GMEB2: variants seen among roughly 807,000 people sequenced by gnomAD.
GMEB2 encodes glucocorticoid modulatory element-binding protein 2.
In GMEB2, 7 loss-of-function variants were observed where a neutral mutation model predicts 45.7. The ratio of observed to expected loss-of-function variants is 0.15; its 90% CI spans 0.09 to 0.29. The LOEUF (loss-of-function observed/expected upper bound fraction) is 0.29, where lower values mean the gene tolerates loss of function less well. Ranked by LOEUF, GMEB2 falls within the 10% of genes least tolerant of loss-of-function variation. GMEB2 has a pLI of 1.00. For synonymous variants in GMEB2, 322 were observed against 323.6 expected (o/e 1.00, Z 0.05); for missense variants, 582 against 739.2 (o/e 0.79, Z 2.47).
rs1184695221 is a variant in GMEB2 at position 63,624,280 on chromosome 20, T to C, written c.-58+2676A>G. On this transcript the variant is annotated intron_variant, in intron 1 of 9. Coordinates refer to ENST00000370077, the MANE Select transcript of GMEB2 (RefSeq NM_012384.5). The stretch of plus-strand genomic sequence containing the variant: ...AAAAATACAAAAAAAAAAAAACAAA[T>C]TGGCCGGGCATGGTGGCGGGTGCCT... Among the ~76,000 whole-genome samples, 9 of 147,748 alleles carry C rather than the reference T, an allele frequency of 6.1e-5. No individual in the cohort carries two copies. The East Asian group carries it at 1.8e-3, about 29-fold the overall frequency.
intron 1 of GMEB2, among the ~76,000 whole-genome samples, chr20:63,626,486 T>G (rs1382049854): frequency 7.6e-6 from 1 of 131,332 alleles, no homozygotes; most frequent in Non-Finnish European, 1.6e-5. Flanking sequence ...GTGGTCCTTG[T>G]GGGTCGCGTC....
intron 1 of GMEB2, among the ~76,000 whole-genome samples, chr20:63,621,866 G>A (rs1290198557): frequency 1.3e-5 from 2 of 152,226 alleles, no homozygotes; most frequent in East Asian, 1.9e-4. Flanking sequence ...TGTCACACCT[G>A]TAATCCCAGG....
chr20:63,612,275 G>C (rs8122824), intron 2 of GMEB2, among the ~76,000 whole-genome samples: 2,560 of 152,290 alleles, frequency 0.017, 71 homozygotes, highest in African/African-American at 0.057. Flanking sequence ...TGGCCAAAGG[G>C]CCACCCTGCC....
At chr20:63,615,342 T>C (rs1045777160) in intron 2 of GMEB2, among the ~76,000 whole-genome samples, 14 of 152,114 alleles carry the variant, frequency 9.2e-5, no homozygotes, top group African/African-American at 3.4e-4. Context: ...TTCTTTTTTT[T>C]GAGACAGGAT....
chr20:63,615,066 C>T (rs972270918), intron 2 of GMEB2, among the ~76,000 whole-genome samples: 14 of 152,146 alleles, frequency 9.2e-5, no homozygotes, highest in African/African-American at 3.4e-4. Context: ...AGAAAACCCA[C>T]CAACCCTGTG....
intron 1 of GMEB2, among the ~76,000 whole-genome samples, chr20:63,626,020 C>T (rs1417198533): frequency 6.6e-6 from 1 of 152,252 alleles, no homozygotes; most frequent in African/African-American, 2.4e-5. Context: ...TCAGTCACGA[C>T]TTTTCAGTCA....
intron 9 of GMEB2, among the ~76,000 whole-genome samples, chr20:63,591,323 G>A (rs925465151): frequency 2.0e-5 from 3 of 151,912 alleles, no homozygotes; most frequent in African/African-American, 7.3e-5. Flanking sequence ...TGAACACACA[G>A]TGAACACGCA....
At chr20:63,611,262 C>T (rs1004781825) in intron 2 of GMEB2, among the ~76,000 whole-genome samples, 5 of 152,202 alleles carry the variant, frequency 3.3e-5, no homozygotes, top group African/African-American at 4.8e-5. Context: ...TGGAAGGGGC[C>T]ACTGTGCCAT....
intron 1 of GMEB2, among the ~76,000 whole-genome samples, chr20:63,624,416 G>A (rs1383358926): frequency 2.7e-5 from 4 of 147,556 alleles, no homozygotes; most frequent in African/African-American, 5.0e-5. Flanking sequence ...ACAACAGAGC[G>A]AGACTCTGTC....
intron 4 of GMEB2, among the ~76,000 whole-genome samples, chr20:63,600,637 G>T (rs2083235135): frequency 7.2e-6 from 1 of 139,810 alleles, no homozygotes; most frequent in South Asian, 2.3e-4. Context: ...AGAATCACTT[G>T]AACCCAGGAA....
At chr20:63,605,001 A>G in intron 2 of GMEB2, 161 bp from the exon 3 acceptor site, 1 of 571,320 alleles carries the variant, frequency 1.8e-6, no homozygotes, top group Non-Finnish European at 3.2e-6. Context: ...CTGTAATCCC[A>G]GCACTTTGGG....
chr20:63,598,916 C>T (rs1487087249), intron 4 of GMEB2, among the ~76,000 whole-genome samples: 1 of 152,198 alleles, frequency 6.6e-6, no homozygotes, highest in Non-Finnish European at 1.5e-5. Context: ...CTGATCCTAC[C>T]TAGGGCTCTG....
chr20:63,600,340 C>A (rs2083232877), intron 4 of GMEB2, among the ~76,000 whole-genome samples: 2 of 151,968 alleles, frequency 1.3e-5, no homozygotes, highest in East Asian at 3.9e-4. Context: ...TCACCATGCC[C>A]AGCCTACATT....
At chr20:63,623,921 C>T (rs1364173490) in intron 1 of GMEB2, among the ~76,000 whole-genome samples, 1 of 150,718 alleles carries the variant, frequency 6.6e-6, no homozygotes, top group Non-Finnish European at 1.5e-5. Context: ...ACCAGCCTGG[C>T]CAACATGGTA....
intron 1 of GMEB2, among the ~76,000 whole-genome samples, chr20:63,620,353 G>A (rs537163022): frequency 1.3e-5 from 2 of 152,218 alleles, no homozygotes. Flanking sequence ...GGTGGCCCAA[G>A]AGTGTGGGGG....
intron 2 of GMEB2, among the ~76,000 whole-genome samples, chr20:63,614,789 CCTCT>C (rs1280406538): frequency 1.3e-5 from 2 of 151,770 alleles, no homozygotes; most frequent in Non-Finnish European, 2.9e-5. Flanking sequence ...CTCTCTCTCT[CCTCT>C]CTCTCTGCCT....
intron 4 of GMEB2, among the ~76,000 whole-genome samples, chr20:63,600,581 G>T (rs2083234697): frequency 6.6e-6 from 1 of 151,696 alleles, no homozygotes; most frequent in South Asian, 2.1e-4. Flanking sequence ...AGCCAGGCAT[G>T]GTGGTGGGTG....
At chr20:63,622,178 G>GC (rs1334686600) in intron 1 of GMEB2, among the ~76,000 whole-genome samples, 6 of 152,136 alleles carry the variant, frequency 3.9e-5, no homozygotes, top group African/African-American at 1.4e-4. Flanking sequence ...AAATCTTCCA[G>GC]AACTTTTAAA....
chr20:63,597,740 C>A lies in GMEB2; in HGVS notation c.461+17G>T. The A allele has an allele frequency of 7.0e-7, 1 of 1,429,162 alleles. No individual in the cohort carries two copies. The highest frequency in any genetic ancestry group is 9.9e-7 in the Non-Finnish European group (1 of 1,011,388). The allele number at this position is 1,429,162 out of a possible 1,614,324, so 88.5% of individuals were successfully genotyped here. Reference sequence around the variant, plus strand: ...GGCCCCTTCCAGCAGGGAGGCTGACCCTGCGCCAGCGCCCACCTGAGCATG... The same window carrying A: ...GGCCCCTTCCAGCAGGGAGGCTGACACTGCGCCAGCGCCCACCTGAGCATG... On this transcript the variant is annotated intron_variant, in intron 5 of 9. Transcript: ENST00000370077.
Sources: gnomAD v4.1 joint callset for allele counts (sites outside exome capture counted in the v4.1 genomes callset) on GRCh38, gnomAD v4.1.1 for gene constraint, MANE v1.5 for transcripts, NCBI Gene and HGNC (gene_info 2026-07-23, HGNC 2026-07-21) for gene names.